The following NFIA variants were observed in gnomAD, a reference collection of about 807,000 sequenced individuals.
The protein encoded by NFIA is nuclear factor 1 A-type.
Under a neutral mutation model 62.8 loss-of-function variants are expected in NFIA, and 8 were observed. The ratio of observed to expected loss-of-function variants is 0.13; its 90% confidence interval spans 0.07 to 0.23. The LOEUF (loss-of-function observed/expected upper bound fraction) is 0.23, where lower values mean the gene tolerates loss of function less well. Among genes scored for constraint, NFIA ranks in the 10% least tolerant of loss-of-function variants. NFIA has a pLI of 1.00. For synonymous variants in NFIA, 235 were observed against 238.1 expected (o/e 0.99, Z 0.12); for missense variants, 410 against 642.1 (o/e 0.64, Z 3.91).
At chr1:61,114,527 C>T (rs1215075468) in intron 2 of NFIA, among the ~76,000 whole-genome samples, 1 of 152,038 alleles carries the variant, frequency 6.6e-6, no homozygotes, top group Non-Finnish European at 1.5e-5. Flanking sequence ...TTTCTCCTTT[C>T]AGAGGAAAAT....
At chr1:61,338,599 C>G (rs1336241052) in intron 4 of NFIA, among the ~76,000 whole-genome samples, 1 of 152,166 alleles carries the variant, frequency 6.6e-6, no homozygotes. Context: ...AATATTCTAA[C>G]CTGACATGGT....
intron 2 of NFIA, among the ~76,000 whole-genome samples, chr1:61,254,031 A>G (rs74086705): frequency 0.055 from 8,438 of 152,094 alleles, 268 homozygotes; most frequent in Non-Finnish European, 0.064. Flanking sequence ...TTACAGTGAG[A>G]CATACTGGTT....
At chr1:61,428,808 G>A (rs1569855988) in intron 10 of NFIA, among the ~76,000 whole-genome samples, 1 of 152,098 alleles carries the variant, frequency 6.6e-6, no homozygotes, top group Non-Finnish European at 1.5e-5. Flanking sequence ...AGGCAAACTT[G>A]TGTTTTTCTA....
intron 2 of NFIA, among the ~76,000 whole-genome samples, chr1:61,215,247 T>C (rs1473394508): frequency 6.6e-6 from 1 of 152,216 alleles, no homozygotes; most frequent in Non-Finnish European, 1.5e-5. Context: ...AAATCTTTCA[T>C]GCAACTTACA....
At chr1:61,107,428 CTAA>C (rs1557570070) in intron 2 of NFIA, among the ~76,000 whole-genome samples, 1 of 150,364 alleles carries the variant, frequency 6.7e-6, no homozygotes, top group Admixed American at 6.7e-5. Flanking sequence ...AATTTGATTA[CTAA>C]TGAGACTAAA....
chr1:61,296,520 C>A (rs916073354), intron 3 of NFIA, among the ~76,000 whole-genome samples: 2 of 152,106 alleles, frequency 1.3e-5, no homozygotes, highest in Non-Finnish European at 1.5e-5. Context: ...GTAATTTCTT[C>A]TTTGTATTTG....
chr1:61,088,372 G>A lies in NFIA; in HGVS notation c.251G>A (p.Arg84Gln), dbSNP rs1646257612. 4 of 1,613,648 alleles carry A rather than the reference G, an allele frequency of 2.5e-6. No individual in the cohort carries two copies. Among genetic ancestry groups the A allele is most frequent in the Admixed American group, 1.7e-5 (1 of 59,978 alleles). ...CTGGCAAAGTTGCGGAAAGATATCC[G>A]ACCCGAATATCGAGAGGATTTTGTT... Reference protein sequence around the residue: ...RLLAKLRKDIRPEYREDFVLT... With the variant: ...RLLAKLRKDIQPEYREDFVLT... The change falls in exon 2 of 11, where the codon CGA becomes CAA. Residue 84 changes from arginine (R) to glutamine (Q), a missense_variant. Around this residue, in one of 3 missense-constraint regions of NFIA, gnomAD observed 86 missense variants for 124.6 expected, o/e 0.69. Coordinates refer to ENST00000403491, the MANE Select transcript of NFIA (RefSeq NM_001134673.4). This position sits in a 1 kb window ranked among gnomAD's most constrained non-coding sequence, Gnocchi z 4.5.
At chr1:61,186,827 T>C (rs569485333) in intron 2 of NFIA, among the ~76,000 whole-genome samples, 34 of 152,334 alleles carry the variant, frequency 2.2e-4, no homozygotes, top group African/African-American at 7.9e-4. Flanking sequence ...TGTTATCACC[T>C]TGATTTTACA....
chr1:61,127,340 C>T (rs1646993723), intron 2 of NFIA, among the ~76,000 whole-genome samples: 3 of 151,010 alleles, frequency 2.0e-5, no homozygotes, highest in South Asian at 4.2e-4. Context: ...ACCCATAGCC[C>T]CAGCTACTTG....
chr1:61,365,931 C>CA, intron 6 of NFIA, among the ~76,000 whole-genome samples: 1 of 152,230 alleles, frequency 6.6e-6, no homozygotes, highest in Non-Finnish European at 1.5e-5. Context: ...GGTTAAGTGT[C>CA]ACAGGAGTAA....
chr1:61,218,985 A>T (rs1342272110), intron 2 of NFIA, among the ~76,000 whole-genome samples: 1 of 152,114 alleles, frequency 6.6e-6, no homozygotes, highest in East Asian at 1.9e-4. Context: ...TAATCCCAAC[A>T]CTTTGGGAGG....
At chr1:61,177,022 C>G (rs868011182) in intron 2 of NFIA, among the ~76,000 whole-genome samples, 1 of 151,774 alleles carries the variant, frequency 6.6e-6, no homozygotes, top group African/African-American at 2.4e-5. Flanking sequence ...AGGAGAATAG[C>G]GTGAACCTGG....
At chr1:61,263,779 G>A (rs1166029146) in intron 2 of NFIA, among the ~76,000 whole-genome samples, 1 of 152,106 alleles carries the variant, frequency 6.6e-6, no homozygotes, top group African/African-American at 2.4e-5. Context: ...TGGATCACTT[G>A]AGGCCAGGAA....
chr1:61,213,382 T>C (rs746439388), intron 2 of NFIA, among the ~76,000 whole-genome samples: 5 of 152,238 alleles, frequency 3.3e-5, no homozygotes, highest in Admixed American at 1.3e-4. Flanking sequence ...TGTGAAGATA[T>C]GTGTTCACAT....
intron 9 of NFIA, among the ~76,000 whole-genome samples, chr1:61,410,705 G>A (rs1468467366): frequency 1.3e-5 from 2 of 152,076 alleles, no homozygotes; most frequent in African/African-American, 4.8e-5. Flanking sequence ...TCAGGAGTTC[G>A]AGACCAGCCT....
chr1:61,425,161 C>G (rs1366950006), intron 9 of NFIA, among the ~76,000 whole-genome samples: 2 of 152,206 alleles, frequency 1.3e-5, no homozygotes, highest in Non-Finnish European at 2.9e-5. Flanking sequence ...GTGACCATTG[C>G]AGATCTGTTT....
chr1:61,301,338 T>C (rs539100525), intron 3 of NFIA, among the ~76,000 whole-genome samples: 1 of 152,306 alleles, frequency 6.6e-6, no homozygotes, highest in African/African-American at 2.4e-5. Flanking sequence ...TCAGGACTTT[T>C]ATAAGAGCTG....
intron 9 of NFIA, among the ~76,000 whole-genome samples, chr1:61,408,922 A>G (rs1665975148): frequency 1.3e-5 from 2 of 152,226 alleles, no homozygotes; most frequent in Admixed American, 1.3e-4. Context: ...ATGGTAAAAT[A>G]TATCTGTAGG....
At chr1:61,190,994 C>T (rs1651574177) in intron 2 of NFIA, among the ~76,000 whole-genome samples, 1 of 147,414 alleles carries the variant, frequency 6.8e-6, no homozygotes, top group Non-Finnish European at 1.5e-5. Context: ...TTTGACACCA[C>T]AATAAATTAA....
Sources: allele counts gnomAD v4.1 joint callset (sites outside exome capture counted in the v4.1 genomes callset), GRCh38; gene constraint gnomAD v4.1.1; regional missense constraint gnomAD v4.1.1; non-coding constraint Gnocchi (gnomAD v3.1); transcripts MANE v1.5; gene names NCBI Gene and HGNC (gene_info 2026-07-23, HGNC 2026-07-21).